The following CCNL1 variants were observed in gnomAD, a reference collection of about 807,000 sequenced individuals.
CCNL1 encodes the protein cyclin-L1.
CCNL1 carries 13 observed loss-of-function variants against 60.6 expected under a neutral mutation model. The ratio of observed to expected loss-of-function variants is 0.21; its 90% CI spans 0.14 to 0.34. The LOEUF is 0.34. CCNL1 is among the 10% of genes least tolerant of loss of function. The probability of loss-of-function intolerance (pLI) is 1.00; values close to 1 mark genes in which losing one functional copy is unlikely to be tolerated. For synonymous variants in CCNL1, 270 were observed against 244.3 expected, an observed-to-expected ratio of 1.10 and a Z score of -0.98; for missense variants, 481 against 664.3, an observed-to-expected ratio of 0.72 and a Z score of 3.03.
rs898648177 is a variant in CCNL1, at chr3:157,150,048, G to A, written c.879+17C>T. On this transcript the variant is annotated intron_variant, in intron 7 of 10. Coordinates refer to ENST00000295926, the MANE Select transcript of CCNL1 (RefSeq NM_020307.4). ...GGACTCTTAGCATGTTGGCACAAAC[G>A]AGTAAATAGAGAATACCTTTTTTCT... The A allele has an allele frequency of 6.2e-6, 10 of 1,606,878 alleles. No homozygotes were observed. Among genetic ancestry groups the A allele is most frequent in the Middle Eastern group, 1.7e-4 (1 of 6,000 alleles).
At position 157,149,305 on chromosome 3, in the gene CCNL1, G is replaced by A; in HGVS notation, c.1214C>T (p.Ser405Leu). ...SRSRTRSRSRSHTPRRHYNNR... is the reference protein window; with the variant it reads ...SRSRTRSRSRLHTPRRHYNNR... ...TACTTACTGTCTTCTTGGAGTATGT[G>A]ATCTAGAACGTGATCGTGTTCTTGA... is the stretch of plus-strand genomic sequence containing the variant. The change falls in exon 10 of 11, where the codon TCA becomes TTA. Residue 405 changes from serine (S) to leucine (L), a missense_variant. Coordinates refer to ENST00000295926, the MANE Select transcript of CCNL1 (RefSeq NM_020307.4). 6.2e-7 allele frequency: 1 copy of A among 1,612,734 alleles called. No homozygotes were observed. Among genetic ancestry groups the A allele is most frequent in the Non-Finnish European group, 8.5e-7 (1 of 1,178,740 alleles).
At position 157,147,879 on chromosome 3, in the gene CCNL1, C is replaced by T; in HGVS notation, c.*362G>A. The stretch of plus-strand genomic sequence containing the variant: ...AAACCAGTGTTAAGAAAGTATTCAC[C>T]ATCATTTAAACAAATAACCACTTAA... On this transcript the variant is annotated 3_prime_UTR_variant, in exon 11 of 11. Coordinates refer to ENST00000295926, the MANE Select transcript of CCNL1 (RefSeq NM_020307.4). 1 of 1,001,540 alleles carries T rather than the reference C, an allele frequency of 1.0e-6. No homozygotes were observed. Among genetic ancestry groups the T allele is most frequent in the Non-Finnish European group, 1.2e-6 (1 of 840,720 alleles). 62.0% of individuals were successfully genotyped at this position (1,001,540 alleles called of 1,614,324 possible).
rs1738927504 is a variant in CCNL1, at chr3:157,159,703, C to T, written c.303+89G>A. The T allele has an allele frequency of 5.6e-6, 7 of 1,259,246 alleles. No homozygotes were observed. In the South Asian group the frequency reaches 9.2e-5, roughly 17 times the overall value. The allele number at this position is 1,259,246 out of a possible 1,614,324, so 78.0% of individuals were successfully genotyped here. A position where few individuals can be genotyped will look rare whatever the true frequency, so the allele number is the denominator to read the frequency against. Reference sequence around the variant, plus strand: ...GAAAGCCTGAAGGAACCGTCCCCACCCTCCCGGGGCACGGTGATACTGAGA... The same window carrying T: ...GAAAGCCTGAAGGAACCGTCCCCACTCTCCCGGGGCACGGTGATACTGAGA... On this transcript the variant is annotated intron_variant, in intron 1 of 10. Transcript: ENST00000295926.
rs1259265406 is a variant in CCNL1, at chr3:157,152,252, A to C, written c.610-11T>G. ...ATACATAACAATGATCTGAAGGACA[A>C]GGGAAAAAAACTCAATTCAGTATAC... On this transcript the variant is annotated splice_polypyrimidine_tract_variant and intron_variant, in intron 4 of 10. Transcript: ENST00000295926. 6.2e-7 allele frequency: 1 copy of C among 1,604,302 alleles called. No homozygotes were observed. Among genetic ancestry groups the C allele is most frequent in the Non-Finnish European group, 8.5e-7 (1 of 1,177,370 alleles).
At chr3:157,144,904 CTAAATGTTT>C (rs949531031), downstream of CCNL1, among the ~76,000 whole-genome samples, 2 of 152,098 alleles carry the variant, frequency 1.3e-5, no homozygotes, top group Non-Finnish European at 2.9e-5. Flanking sequence ...CTCATGAAAA[CTAAATGTTT>C]TAAGTAAGCT....
At chr3:157,156,339 C>A (rs1044628027) in intron 3 of CCNL1, among the ~76,000 whole-genome samples, 1 of 152,222 alleles carries the variant, frequency 6.6e-6, no homozygotes, top group African/African-American at 2.4e-5. Context: ...TCACTTAACA[C>A]CCTTCCAATT....
intron 10 of CCNL1, 84 bp from the exon 11 acceptor site, chr3:157,148,673 CA>C: frequency 1.7e-6 from 2 of 1,186,486 alleles, no homozygotes; most frequent in Non-Finnish European, 2.3e-6. Context: ...AGGTTCAAAA[CA>C]AAACTACCAG....
rs373572102 is a variant in CCNL1 at position 157,150,047 on chromosome 3, C to T, written c.879+18G>A. The T allele has an allele frequency of 1.4e-5, 22 of 1,607,236 alleles. No individual in the cohort carries two copies. Among genetic ancestry groups the T allele is most frequent in the East Asian group, 2.2e-5 (1 of 44,848 alleles). Reference sequence around the variant, plus strand: ...TGGACTCTTAGCATGTTGGCACAAACGAGTAAATAGAGAATACCTTTTTTC... The same window carrying T: ...TGGACTCTTAGCATGTTGGCACAAATGAGTAAATAGAGAATACCTTTTTTC... On this transcript the variant is annotated intron_variant, in intron 7 of 10. Transcript: ENST00000295926.
chr3:157,148,328 C>A lies in CCNL1; in HGVS notation c.1494G>T (p.Arg498Ser), dbSNP rs774483966. The change falls in exon 11 of 11, where the codon AGG becomes AGT. Residue 498 changes from arginine (R) to serine (S), a missense_variant. Physicochemically the swap from Arg to Ser is moderately radical, Grantham distance 110 (BLOSUM62 -1). Coordinates refer to ENST00000295926, the MANE Select transcript of CCNL1 (RefSeq NM_020307.4). ...TCTCAAAGGAGCGAGATCGTTCACG[C>A]CTGTCCCTATGATGTCCCCTTTCAT... ...HRHERGHHRD[R>S]RERSRSFERS... 6.2e-7 allele frequency: 1 copy of A among 1,614,208 alleles called. No individual in the cohort carries two copies. The highest frequency in any genetic ancestry group is 1.1e-5 in the South Asian group (1 of 91,088).
At position 157,150,141 on chromosome 3, in the gene CCNL1, A is replaced by C; in HGVS notation, c.803T>G (p.Phe268Cys). 6.2e-7 allele frequency: 1 copy of C among 1,613,048 alleles called. No individual in the cohort carries two copies. Among genetic ancestry groups the C allele is most frequent in the East Asian group, 2.2e-5 (1 of 44,864 alleles). ...QIPLPTRPHW[F>C]LLFGTTEEEI... ...CTCTTCTGTAGTACCAAAAAGAAGA[A>C]ACCAATGGGGACGAGTTGGCAACGG... Residue 268 changes from phenylalanine to cysteine, a missense_variant, in exon 7 of 11, where the codon TTT (phenylalanine) becomes TGT (cysteine). By Grantham distance (205) the Phe-to-Cys change is radical. Transcript: ENST00000295926.
At chr3:157,146,609 T>TAAAAA, downstream of CCNL1, 12 of 276,078 alleles carry the variant, frequency 4.3e-5, no homozygotes, top group Admixed American at 1.3e-4. Context: ...ACCTCGTCTC[T>TAAAAA]AAAAAAAAAA....
downstream of CCNL1, among the ~76,000 whole-genome samples, chr3:157,144,299 G>A (rs1353368818): frequency 2.6e-5 from 4 of 152,202 alleles, no homozygotes; most frequent in Non-Finnish European, 4.4e-5. Context: ...TTTGAACTGT[G>A]TTTGAGAGTG....
rs1738819431 is a variant in CCNL1, at chr3:157,158,747, A to T, written c.488+119T>A. 10 of 628,618 alleles carry T rather than the reference A, an allele frequency of 1.6e-5. No homozygotes were observed. In the South Asian group the frequency reaches 2.0e-4, roughly 12 times the overall value. 38.9% of individuals were successfully genotyped at this position (628,618 alleles called of 1,614,324 possible). A position where few individuals can be genotyped will look rare whatever the true frequency, so the allele number is the denominator to read the frequency against. On this transcript the variant is annotated intron_variant, in intron 3 of 10. Transcript: ENST00000295926. The stretch of plus-strand genomic sequence containing the variant: ...TTCCTATATGAACTTTAACACCTAA[A>T]TTAAAGTCCGTTTTCTTTTGCATCC...
At position 157,159,747 on chromosome 3, in the gene CCNL1, G is replaced by A. The variant is rs145653834; in HGVS notation, c.303+45C>T. 8.9e-4 allele frequency: 1,292 copies of A among 1,444,380 alleles called. 8 individuals are homozygous for A. The East Asian group carries it at 0.016, about 17-fold the overall frequency. The allele number at this position is 1,444,380 out of a possible 1,614,324, so 89.5% of individuals were successfully genotyped here. A position where few individuals can be genotyped will look rare whatever the true frequency, so the allele number is the denominator to read the frequency against. ...ACTGAGATGCGGCGTAGGGGACGGA[G>A]GAGAGGAGAGGAGCGCCCGGCCGGC... On this transcript the variant is annotated intron_variant, in intron 1 of 10. Transcript: ENST00000295926.
In CCNL1 at chr3:157,158,993, C is replaced by T; in HGVS notation, c.379-18G>A. ...GCAACAATCTGAAAGAACCCATGAG[C>T]CACAAAAGCCATTGTTAGATTAAAC... On this transcript the variant is annotated intron_variant, in intron 2 of 10. Transcript: ENST00000295926. 5 of 1,517,866 alleles carry T rather than the reference C, an allele frequency of 3.3e-6. No individual in the cohort carries two copies. In the South Asian group the frequency reaches 5.7e-5, roughly 17 times the overall value. 94.0% of individuals were successfully genotyped at this position (1,517,866 alleles called of 1,614,324 possible). A position where few individuals can be genotyped will look rare whatever the true frequency, so the allele number is the denominator to read the frequency against.
chr3:157,160,013 C>G lies in CCNL1; in HGVS notation c.82G>C (p.Gly28Arg). 6.4e-7 allele frequency: 1 copy of G among 1,571,406 alleles called. No homozygotes were observed. Among genetic ancestry groups the G allele is most frequent in the Admixed American group, 1.9e-5 (1 of 53,016 alleles). The change falls in exon 1 of 11, where the codon GGG (glycine) becomes CGG (arginine). Residue 28 changes from glycine to arginine, a missense_variant. Around this residue, in one of 5 missense-constraint regions of CCNL1, gnomAD observed 65 missense variants for 57.5 expected, o/e 1.13. Coordinates refer to ENST00000295926, the MANE Select transcript of CCNL1 (RefSeq NM_020307.4). Reference sequence around the variant, plus strand: ...GTGGTCGTCGTCGTGGTCGTCGTCCCGGAGCTGGAGCCGCCCGCGCTTGGG... The same window carrying G: ...GTGGTCGTCGTCGTGGTCGTCGTCCGGGAGCTGGAGCCGCCCGCGCTTGGG... ...AAPSAGGSSS[G>R]TTTTTTTTTG... is the part of the protein sequence containing the mutation.
chr3:157,148,295 A>G lies in CCNL1; in HGVS notation c.1527T>C (p.His509=). 1 of 1,614,172 alleles carries G rather than the reference A, an allele frequency of 6.2e-7. No homozygotes were observed. The highest frequency in any genetic ancestry group is 1.1e-5 in the South Asian group (1 of 91,082). Residue 509 remains histidine (H), a synonymous_variant, in exon 11 of 11, where the codon CAT becomes CAC. Coordinates refer to ENST00000295926, the MANE Select transcript of CCNL1 (RefSeq NM_020307.4). The part of the protein sequence containing the change: ...RERSRSFERS[H]KSKHHGGSRS... ...GACTGCCACCATGGTGCTTGCTTTT[A>G]TGGGACCTCTCAAAGGAGCGAGATC...
intron 8 of CCNL1, 119 bp downstream of exon 8, chr3:157,149,717 G>A: frequency 7.0e-7 from 1 of 1,438,594 alleles, no homozygotes; most frequent in Non-Finnish European, 9.5e-7. Context: ...TGCCATGAGA[G>A]AACATAGCAG....
At chr3:157,158,724 C>T in intron 3 of CCNL1, 142 bp downstream of exon 3, 2 of 555,006 alleles carry the variant, frequency 3.6e-6, no homozygotes, top group Non-Finnish European at 6.4e-6. Flanking sequence ...TATCAGTGTT[C>T]CTATATGAAC....
Sources: gnomAD v4.1 joint callset for allele counts (sites outside exome capture counted in the v4.1 genomes callset) on GRCh38, gnomAD v4.1.1 for gene constraint, gnomAD v4.1.1 regional missense constraint, MANE v1.5 for transcripts, NCBI Gene and HGNC (gene_info 2026-07-23, HGNC 2026-07-21) for gene names.